Variants in ENPP2 observed in about 807,000 individuals in gnomAD.
ENPP2 encodes the protein ectonucleotide pyrophosphatase/phosphodiesterase 2.
Under a neutral mutation model 120.2 loss-of-function variants are expected in ENPP2, and 51 were observed. The ratio of observed to expected loss-of-function variants is 0.42; its 90% confidence interval spans 0.34 to 0.54. The LOEUF (loss-of-function observed/expected upper bound fraction) is 0.54, where lower values mean the gene tolerates loss of function less well. Among genes scored for constraint, ENPP2 ranks in the 20% least tolerant of loss-of-function variants. The pLI, the probability that ENPP2 is intolerant of heterozygous loss-of-function variation, is 0.04. For missense variants in ENPP2, 920 were observed against 1,066.5 expected (o/e 0.86, Z 1.91); for synonymous variants, 365 against 366.4 (o/e 1.00, Z 0.04).
Position 119,604,019 on chromosome 8 carries a change from T to TG in ENPP2, c.834-2558_834-2557insC, listed in dbSNP as rs1346771820. On this transcript the variant is annotated intron_variant, in intron 9 of 24. Coordinates refer to ENST00000075322, the MANE Select transcript of ENPP2 (RefSeq NM_001040092.3). ...TAACCTCTCAATCTCTCTCTTTTTT[T>TG]TTTTTTTTTTTTTGGTTGTTGTTGT... is the stretch of plus-strand genomic sequence containing the variant. 1.5e-4 allele frequency among the ~76,000 whole-genome samples: 23 copies of TG among 150,330 alleles called. No homozygotes were observed. In the East Asian group the frequency reaches 4.1e-3, roughly 27 times the overall value.
intron 1 of ENPP2, among the ~76,000 whole-genome samples, chr8:119,670,374 T>A: frequency 6.6e-6 from 1 of 152,230 alleles, no homozygotes; most frequent in East Asian, 1.9e-4. Flanking sequence ...AGATGATAAT[T>A]TCCTGAAAGC....
chr8:119,592,979 T>G (rs1221247640), intron 12 of ENPP2: 1 of 982,554 alleles, frequency 1.0e-6, no homozygotes, highest in South Asian at 4.7e-5. Context: ...CGAACTCCAC[T>G]AGAAGGGAGA....
In ENPP2 at chr8:119,557,680, G is replaced by A. The variant is rs746246253; in HGVS notation, c.2433C>T (p.Asp811=). The change falls in exon 25 of 25, where the codon GAC becomes GAT. Residue 811 remains aspartate (D), a synonymous_variant. Transcript: ENST00000075322. ...DNEESCNSSE[D]ESKWVEELMK... ...TGAGTTCTTCTACCCATTTTGATTC[G>A]TCCTCTGAGCTCTGCAATGGAAACA... 1.4e-5 allele frequency: 22 copies of A among 1,571,854 alleles called. No individual in the cohort carries two copies. Among genetic ancestry groups the A allele is most frequent in the Middle Eastern group, 2.2e-4 (1 of 4,462 alleles).
At chr8:119,668,144 T>A (rs1818129023) in intron 1 of ENPP2, among the ~76,000 whole-genome samples, 2 of 152,166 alleles carry the variant, frequency 1.3e-5, no homozygotes, top group Admixed American at 1.3e-4. Flanking sequence ...GCAAGTATAA[T>A]ATTGAATTAA....
chr8:119,618,489 T>C (rs571227742), intron 5 of ENPP2: 16 of 374,822 alleles, frequency 4.3e-5, no homozygotes, highest in South Asian at 3.3e-4. Flanking sequence ...AATTCTCTCT[T>C]TGGTTGCTGG....
At chr8:119,663,570 G>T (rs1193741399) in intron 1 of ENPP2, among the ~76,000 whole-genome samples, 2 of 152,038 alleles carry the variant, frequency 1.3e-5, no homozygotes, top group Non-Finnish European at 2.9e-5. Context: ...TCACCATCTG[G>T]GAACCACTGG....
intron 1 of ENPP2, among the ~76,000 whole-genome samples, chr8:119,656,670 TATAA>T (rs888082728): frequency 1.8e-4 from 27 of 152,154 alleles, no homozygotes; most frequent in African/African-American, 6.5e-4. Context: ...ACAGAAAATA[TATAA>T]ATATATTAGT....
intron 20 of ENPP2, among the ~76,000 whole-genome samples, chr8:119,569,967 C>A (rs1230500476): frequency 6.6e-6 from 1 of 152,040 alleles, no homozygotes; most frequent in South Asian, 2.1e-4. Flanking sequence ...CAACATAAAA[C>A]TTTTGTTAAA....
intron 19 of ENPP2, among the ~76,000 whole-genome samples, chr8:119,576,774 C>T (rs558445515): frequency 2.0e-5 from 3 of 152,188 alleles, no homozygotes; most frequent in South Asian, 2.1e-4. Context: ...CATGGAAAGT[C>T]GGCCAAGACA....
chr8:119,669,877 C>A (rs1194386374), intron 1 of ENPP2, among the ~76,000 whole-genome samples: 2 of 152,188 alleles, frequency 1.3e-5, no homozygotes, highest in African/African-American at 2.4e-5. Context: ...GTTTAGATTG[C>A]ACACATCTCT....
chr8:119,602,958 G>C (rs1201493122), intron 9 of ENPP2, among the ~76,000 whole-genome samples: 1 of 152,062 alleles, frequency 6.6e-6, no homozygotes, highest in African/African-American at 2.4e-5. Flanking sequence ...TCACCATCCA[G>C]CTCACAGGGA....
chr8:119,654,929 C>T (rs1432168849), intron 1 of ENPP2, among the ~76,000 whole-genome samples: 1 of 152,122 alleles, frequency 6.6e-6, no homozygotes, highest in Non-Finnish European at 1.5e-5. Context: ...AAAAGAGTTA[C>T]TCAAATTCAA....
intron 22 of ENPP2, among the ~76,000 whole-genome samples, chr8:119,567,688 AT>A (rs1460591554): frequency 1.3e-5 from 2 of 152,378 alleles, no homozygotes; most frequent in African/African-American, 4.8e-5. Context: ...AGAAAATGTT[AT>A]CACCCCAAGA....
chr8:119,618,113 T>A (rs182029770), intron 5 of ENPP2: 4,976 of 345,776 alleles, frequency 0.014, 76 homozygotes, highest in South Asian at 0.029. Flanking sequence ...TAAGAAGTCA[T>A]GAAACATTTC....
chr8:119,608,622 G>GAT (rs1477065937), intron 8 of ENPP2, among the ~76,000 whole-genome samples: 1 of 152,216 alleles, frequency 6.6e-6, no homozygotes, highest in Non-Finnish European at 1.5e-5. Context: ...GGAGGCATAA[G>GAT]ATATAGGAGT....
At chr8:119,641,247 G>A (rs190557832), upstream of ENPP2, among the ~76,000 whole-genome samples, 1 of 151,170 alleles carries the variant, frequency 6.6e-6, no homozygotes, top group Non-Finnish European at 1.5e-5. Flanking sequence ...GAATGACCAA[G>A]ATGACCAAAG....
In ENPP2 at chr8:119,570,728, T is replaced by A; in HGVS notation, c.1894A>T (p.Thr632Ser). Residue 632 changes from threonine to serine, a missense_variant, in exon 20 of 25, where the codon ACA becomes TCA. Transcript: ENST00000075322. ...ACCTGTTTGGAAACAGTATATGATG[T>A]CCAGAGTGGCATTAGGAATATTTCA... ...YSEIFLMPLW[T>S]SYTVSKQAEV... 6.3e-7 allele frequency: 1 copy of A among 1,583,984 alleles called. No individual in the cohort carries two copies. Among genetic ancestry groups the A allele is most frequent in the Non-Finnish European group, 8.6e-7 (1 of 1,163,768 alleles).
At chr8:119,575,173 T>A (rs1812246549) in intron 19 of ENPP2, among the ~76,000 whole-genome samples, 1 of 152,182 alleles carries the variant, frequency 6.6e-6, no homozygotes, top group African/African-American at 2.4e-5. Flanking sequence ...AGTAGTATCA[T>A]CTCCAACTTA....
At position 119,590,606 on chromosome 8, in the gene ENPP2, C is replaced by T; in HGVS notation, c.1106G>A (p.Arg369Lys). 3 of 1,578,526 alleles carry T rather than the reference C, an allele frequency of 1.9e-6. No homozygotes were observed. The highest frequency in any genetic ancestry group is 2.6e-6 in the Non-Finnish European group (3 of 1,161,714). ...TAGGTAATTACTCAAGAACTCAGTT[C>T]TATCACATGTGACATCTTCCATTCC... ...DHGMEDVTCD[R>K]TEFLSNYLTN... Residue 369 changes from arginine to lysine, a missense_variant, in exon 13 of 25, where the codon AGA (arginine) becomes AAA (lysine). Arg to Lys is a conservative substitution (Grantham distance 26, BLOSUM62 2). Coordinates refer to ENST00000075322, the MANE Select transcript of ENPP2 (RefSeq NM_001040092.3).
Sources: gnomAD v4.1 joint callset for allele counts (sites outside exome capture counted in the v4.1 genomes callset) on GRCh38, gnomAD v4.1.1 for gene constraint, MANE v1.5 for transcripts, NCBI Gene and HGNC (gene_info 2026-07-23, HGNC 2026-07-21) for gene names.